The following ANK2 variants were observed in gnomAD, a reference collection of about 807,000 sequenced individuals.
The protein encoded by ANK2 is ankyrin-2.
ANK2 carries 83 observed loss-of-function variants against 360.5 expected under a neutral mutation model. That is an observed-to-expected ratio of 0.23 (90% CI 0.19 to 0.28). The LOEUF (loss-of-function observed/expected upper bound fraction) is 0.28, where lower values mean the gene tolerates loss of function less well. ANK2 is among the 10% of genes least tolerant of loss of function. The probability of loss-of-function intolerance (pLI) is 1.00; values close to 1 mark genes in which losing one functional copy is unlikely to be tolerated. For synonymous variants in ANK2, 1,740 were observed against 1,759.5 expected (o/e 0.99, Z 0.28); for missense variants, 4,201 against 4,795.7 (o/e 0.88, Z 3.66).
At chr4:112,741,599 G>T in the ANK2 span, among the ~76,000 whole-genome samples, 969 of 152,250 alleles carry the variant, frequency 6.4e-3, 8 homozygotes, top group Non-Finnish European at 9.2e-3. Flanking sequence ...TTTGTTTTGG[G>T]TATAACTAAA....
intron 2 of ANK2, among the ~76,000 whole-genome samples, chr4:113,024,263 G>A (rs2058772578): frequency 6.6e-6 from 1 of 152,034 alleles, no homozygotes; most frequent in South Asian, 2.1e-4. Flanking sequence ...AATAAAATAT[G>A]TTAATATTTT....
chr4:112,727,464 T>G, the ANK2 span, among the ~76,000 whole-genome samples: 1 of 151,864 alleles, frequency 6.6e-6, no homozygotes, highest in South Asian at 2.1e-4. Context: ...GGAAGGAAAT[T>G]TATTATTTTT....
chr4:113,292,021 C>G (rs773122248), intron 20 of ANK2, among the ~76,000 whole-genome samples: 5 of 152,170 alleles, frequency 3.3e-5, no homozygotes, highest in Non-Finnish European at 7.3e-5. Context: ...AATTTTAACT[C>G]TTGTTTCCCA....
chr4:113,096,686 A>G (rs2091182326), intron 1 of ANK2, among the ~76,000 whole-genome samples: 1 of 152,212 alleles, frequency 6.6e-6, no homozygotes, highest in Admixed American at 6.5e-5. Flanking sequence ...ATATGCAGCC[A>G]TGTGCCCAAC....
upstream of ANK2, among the ~76,000 whole-genome samples, chr4:113,047,700 T>G (rs2154319700): frequency 6.6e-6 from 1 of 152,152 alleles, no homozygotes; most frequent in Middle Eastern, 3.4e-3. Flanking sequence ...AGAGAACCTT[T>G]GCCTCTTTGG....
intron 2 of ANK2, among the ~76,000 whole-genome samples, chr4:112,919,597 A>T (rs976013670): frequency 9.2e-5 from 14 of 152,178 alleles, no homozygotes; most frequent in Non-Finnish European, 2.1e-4. Flanking sequence ...TTTTCATAAG[A>T]CAAATGAAAT....
chr4:113,193,551 A>AT (rs1168314375), intron 2 of ANK2, among the ~76,000 whole-genome samples: 1 of 152,034 alleles, frequency 6.6e-6, no homozygotes, highest in African/African-American at 2.4e-5. Flanking sequence ...TTTTAATTGG[A>AT]TTTTTTCTTC....
the ANK2 span, among the ~76,000 whole-genome samples, chr4:112,757,501 C>G: frequency 6.6e-6 from 1 of 152,166 alleles, no homozygotes; most frequent in Non-Finnish European, 1.5e-5. Flanking sequence ...GGCACATTTG[C>G]AGGTATTTTA....
intron 1 of ANK2, among the ~76,000 whole-genome samples, chr4:112,830,676 C>G (rs917419829): frequency 6.6e-6 from 1 of 152,142 alleles, no homozygotes; most frequent in Non-Finnish European, 1.5e-5. Context: ...GCTCTCGGCA[C>G]CTCCTCAGGC....
chr4:112,913,275 T>A (rs1362163577), intron 2 of ANK2, among the ~76,000 whole-genome samples: 1 of 152,206 alleles, frequency 6.6e-6, no homozygotes, highest in Non-Finnish European at 1.5e-5. Flanking sequence ...TGTAGAGTTT[T>A]ATGGTAAAAT....
chr4:112,903,235 T>C (rs1026003089), intron 1 of ANK2, among the ~76,000 whole-genome samples: 8 of 152,238 alleles, frequency 5.3e-5, no homozygotes, highest in African/African-American at 1.9e-4. Context: ...ATGCTCATTC[T>C]TCTGGTCTAG....
At chr4:112,905,503 TG>T (rs2084889575) in intron 2 of ANK2, among the ~76,000 whole-genome samples, 5 of 151,896 alleles carry the variant, frequency 3.3e-5, no homozygotes, top group Admixed American at 3.3e-4. Flanking sequence ...ATAAAAGGAG[TG>T]GGGAATAACT....
At chr4:112,957,430 A>G (rs997866534) in intron 2 of ANK2, among the ~76,000 whole-genome samples, 78 of 152,346 alleles carry the variant, frequency 5.1e-4, no homozygotes, top group African/African-American at 1.3e-3. Flanking sequence ...ACACATACAC[A>G]GCAACCATCC....
At chr4:113,043,216 A>C (rs997753631) in intron 2 of ANK2, among the ~76,000 whole-genome samples, 11 of 152,138 alleles carry the variant, frequency 7.2e-5, no homozygotes, top group Non-Finnish European at 4.4e-5. Flanking sequence ...GGGAGAAATA[A>C]ATAAAAAAGG....
At chr4:112,960,026 T>C (rs1335572790) in intron 2 of ANK2, among the ~76,000 whole-genome samples, 3 of 152,188 alleles carry the variant, frequency 2.0e-5, no homozygotes, top group Non-Finnish European at 4.4e-5. Context: ...ATCATTGTGG[T>C]GGTCTCCTGT....
At chr4:112,835,790 A>G (rs1460428906) in intron 1 of ANK2, among the ~76,000 whole-genome samples, 8 of 152,210 alleles carry the variant, frequency 5.3e-5, no homozygotes, top group Admixed American at 5.2e-4. Context: ...AATTTGAGGA[A>G]TAGATGGAAT....
At chr4:112,815,274 C>A (rs1256751344), upstream of ANK2, among the ~76,000 whole-genome samples, 1 of 152,130 alleles carries the variant, frequency 6.6e-6, no homozygotes, top group African/African-American at 2.4e-5. Context: ...AACAGTATAT[C>A]CCTAACAAGA....
chr4:113,235,058 A>G (rs2099360478), intron 5 of ANK2, among the ~76,000 whole-genome samples: 1 of 152,180 alleles, frequency 6.6e-6, no homozygotes, highest in Non-Finnish European at 1.5e-5. Flanking sequence ...TTCTTCCTAA[A>G]TATTACCAAA....
the ANK2 span, among the ~76,000 whole-genome samples, chr4:112,793,249 C>T: frequency 6.6e-6 from 1 of 151,982 alleles, no homozygotes; most frequent in Non-Finnish European, 1.5e-5. Flanking sequence ...TATTAGATTG[C>T]TACATGCACC....
Sources: allele counts gnomAD v4.1 joint callset (sites outside exome capture counted in the v4.1 genomes callset), GRCh38; gene constraint gnomAD v4.1.1; transcripts MANE v1.5; gene names NCBI Gene and HGNC (gene_info 2026-07-23, HGNC 2026-07-21).